DOCK3: variants seen among roughly 807,000 people sequenced by gnomAD.
The protein encoded by DOCK3 is dedicator of cytokinesis protein 3.
A neutral mutation model predicts 265.6 loss-of-function variants in DOCK3; 60 were observed. That is an observed-to-expected ratio of 0.23 (90% CI 0.18 to 0.28). DOCK3 has a LOEUF of 0.28. Ranked by LOEUF, DOCK3 falls within the 10% of genes least tolerant of loss-of-function variation. DOCK3 has a pLI of 1.00. For synonymous variants in DOCK3, 881 were observed against 938.0 expected (o/e 0.94, Z 1.11); for missense variants, 1,981 against 2,594.3 (o/e 0.76, Z 5.14).
At chr3:51,188,788 G>A (rs375253244) in intron 12 of DOCK3, among the ~76,000 whole-genome samples, 11 of 146,962 alleles carry the variant, frequency 7.5e-5, no homozygotes, top group South Asian at 2.2e-4. Flanking sequence ...ATTTTGTGTC[G>A]GGGGATGTGG....
chr3:51,260,628 A>G (rs901144632), intron 23 of DOCK3, among the ~76,000 whole-genome samples: 3 of 152,116 alleles, frequency 2.0e-5, no homozygotes, highest in African/African-American at 7.2e-5. Context: ...TTTTTTATGA[A>G]CACCTTATTC....
intron 22 of DOCK3, among the ~76,000 whole-genome samples, chr3:51,251,893 T>C (rs993856213): frequency 6.6e-6 from 1 of 152,252 alleles, no homozygotes; most frequent in African/African-American, 2.4e-5. Context: ...ATTTTGGCTT[T>C]TGTTGCCATT....
intron 49 of DOCK3, 121 bp downstream of exon 49, chr3:51,362,795 T>G: frequency 7.1e-7 from 1 of 1,403,416 alleles, no homozygotes; most frequent in Non-Finnish European, 9.5e-7. Flanking sequence ...AATACTCATT[T>G]GTGCTTTTAC....
At position 50,795,528 on chromosome 3, in the gene DOCK3, C is replaced by T. The variant is rs1045623703; in HGVS notation, c.121+16770C>T. 3.9e-5 allele frequency among the ~76,000 whole-genome samples: 6 copies of T among 152,138 alleles called. No individual in the cohort carries two copies. The South Asian group carries it at 6.2e-4, about 16-fold the overall frequency. On this transcript the variant is annotated intron_variant, in intron 2 of 52. Transcript: ENST00000266037. ...TCCTGAGTAGCTGGGACTACAGGTGCGTGCCACCACACCCAGCTAATTTTT... is the reference window on the plus strand; with the variant it reads ...TCCTGAGTAGCTGGGACTACAGGTGTGTGCCACCACACCCAGCTAATTTTT...
At chr3:50,819,352 TA>T (rs1313086049) in intron 2 of DOCK3, among the ~76,000 whole-genome samples, 2 of 152,216 alleles carry the variant, frequency 1.3e-5, no homozygotes, top group Non-Finnish European at 2.9e-5. Flanking sequence ...AGAACATTTC[TA>T]CCATCAAGCT....
At chr3:51,126,239 G>A (rs889623568) in intron 9 of DOCK3, among the ~76,000 whole-genome samples, 1 of 152,156 alleles carries the variant, frequency 6.6e-6, no homozygotes, top group Non-Finnish European at 1.5e-5. Context: ...CTAGGTCTGG[G>A]TTACTCTTGG....
intron 2 of DOCK3, among the ~76,000 whole-genome samples, chr3:50,821,140 C>CTTTTTTTTTTTTT (rs771111717): frequency 6.7e-5 from 8 of 119,470 alleles, no homozygotes; most frequent in African/African-American, 1.3e-4. Context: ...TTTCTTTTTT[C>CTTTTTTTTTTTTT]TTTTTTTTTT....
At chr3:50,914,571 GTTCTT>G (rs1365803565) in intron 4 of DOCK3, among the ~76,000 whole-genome samples, 4 of 152,102 alleles carry the variant, frequency 2.6e-5, no homozygotes, top group Non-Finnish European at 5.9e-5. Context: ...TACGATTTCA[GTTCTT>G]TTAAGTTTGT....
intron 9 of DOCK3, among the ~76,000 whole-genome samples, chr3:51,106,599 C>T (rs1238525553): frequency 3.9e-5 from 6 of 152,210 alleles, no homozygotes; most frequent in Non-Finnish European, 8.8e-5. Context: ...CTTGCCCCTG[C>T]ACCAGGGGTG....
chr3:50,902,250 A>G (rs543047739), intron 4 of DOCK3, among the ~76,000 whole-genome samples: 2 of 152,190 alleles, frequency 1.3e-5, no homozygotes, highest in South Asian at 2.1e-4. Flanking sequence ...TTGTCATGAA[A>G]TCTTTGCCTG....
intron 1 of DOCK3, among the ~76,000 whole-genome samples, chr3:50,737,062 T>C (rs2038681442): frequency 6.6e-6 from 1 of 152,130 alleles, no homozygotes; most frequent in Non-Finnish European, 1.5e-5. Flanking sequence ...TGTTTTTTTC[T>C]TGTAAATTTG....
At chr3:50,908,618 A>C (rs894875501) in intron 4 of DOCK3, among the ~76,000 whole-genome samples, 6 of 151,948 alleles carry the variant, frequency 3.9e-5, no homozygotes, top group Admixed American at 1.3e-4. Flanking sequence ...GCATTTGCTG[A>C]GGTGTGTTTT....
At chr3:51,355,588 G>A (rs1423032737) in intron 41 of DOCK3, among the ~76,000 whole-genome samples, 1 of 152,200 alleles carries the variant, frequency 6.6e-6, no homozygotes. Flanking sequence ...CTTCCTTGGG[G>A]ACCACATGAC....
Position 51,160,550 on chromosome 3 carries a change from C to A in DOCK3, c.890-5C>A. On this transcript the variant is annotated splice_region_variant and splice_polypyrimidine_tract_variant and intron_variant, in intron 11 of 52. Transcript: ENST00000266037. Reference sequence around the variant, plus strand: ...GTCTGACTGGTGTTTTCTGCTGTGCCCAAGGCCGGATGCTCCTGAACGACT... The same window carrying A: ...GTCTGACTGGTGTTTTCTGCTGTGCACAAGGCCGGATGCTCCTGAACGACT... The A allele has an allele frequency of 6.2e-7, 1 of 1,605,446 alleles. No homozygotes were observed. The highest frequency in any genetic ancestry group is 8.5e-7 in the Non-Finnish European group (1 of 1,176,670).
intron 38 of DOCK3, among the ~76,000 whole-genome samples, chr3:51,348,199 T>C (rs2085730330): frequency 6.6e-6 from 1 of 152,218 alleles, no homozygotes; most frequent in African/African-American, 2.4e-5. Flanking sequence ...TGCATGGGCA[T>C]GTTGCTGTAA....
rs138024223 is a variant in DOCK3 at position 50,853,368 on chromosome 3, G to A, written c.162+11653G>A. Among the ~76,000 whole-genome samples the A allele has an allele frequency of 3.0e-3, 450 of 151,654 alleles. 3 individuals carry two copies. Among genetic ancestry groups the A allele is most frequent in the South Asian group, 5.4e-3 (26 of 4,808 alleles). On this transcript the variant is annotated intron_variant, in intron 3 of 52. Coordinates refer to ENST00000266037, the MANE Select transcript of DOCK3 (RefSeq NM_004947.5). ...CAGGTTTGTTACATGGGTATATTGTGTAATGAGGGATGGGGTTTGGGCTTC... is the reference window on the plus strand; with the variant it reads ...CAGGTTTGTTACATGGGTATATTGTATAATGAGGGATGGGGTTTGGGCTTC...
chr3:51,354,926 G>A lies in DOCK3; in HGVS notation c.4152G>A (p.Glu1384=), dbSNP rs1193762405. ...VCRGHDYERL[E]AFQQRMLSEF... is the part of the protein sequence containing the mutation. ...GTGGCCATGACTACGAGAGGCTGGA[G>A]GCCTTCCAGCAGAGGATGCTCAGTG... is the stretch of plus-strand genomic sequence containing the variant. The change falls in exon 41 of 53, where the codon GAG becomes GAA. Residue 1384 remains glutamate, a synonymous_variant. Transcript: ENST00000266037. The A allele has an allele frequency of 1.2e-6, 2 of 1,613,930 alleles. No homozygotes were observed. The highest frequency in any genetic ancestry group is 1.6e-4 in the Middle Eastern group (1 of 6,062).
chr3:50,875,808 G>A (rs762063848), intron 3 of DOCK3, among the ~76,000 whole-genome samples: 13 of 151,496 alleles, frequency 8.6e-5, no homozygotes, highest in Non-Finnish European at 2.9e-5. Flanking sequence ...AGCAGTGCTT[G>A]CCTCATAGAA....
At chr3:50,777,288 T>C (rs1264249629) in intron 1 of DOCK3, among the ~76,000 whole-genome samples, 1 of 152,210 alleles carries the variant, frequency 6.6e-6, no homozygotes, top group African/African-American at 2.4e-5. Context: ...TCCATTGGTC[T>C]AACTGCTTAT....
Sources: allele counts gnomAD v4.1 joint callset (sites outside exome capture counted in the v4.1 genomes callset), GRCh38; gene constraint gnomAD v4.1.1; transcripts MANE v1.5; gene names NCBI Gene and HGNC (gene_info 2026-07-23, HGNC 2026-07-21).